MACC1: variants seen among roughly 807,000 people sequenced by gnomAD.
MACC1 encodes metastasis-associated in colon cancer protein 1.
MACC1 carries 79 observed loss-of-function variants against 70.7 expected under a neutral mutation model. The ratio of observed to expected loss-of-function variants is 1.12; its 90% CI spans 0.93 to 1.35. MACC1 has a LOEUF of 1.35. Among genes scored for constraint, MACC1 ranks in the 40% most tolerant of loss-of-function variants. The pLI, the probability that MACC1 is intolerant of heterozygous loss-of-function variation, is 0.00. For missense variants in MACC1, 1,106 were observed against 978.1 expected, an observed-to-expected ratio of 1.13 and a Z score of -1.74; for synonymous variants, 361 against 347.2, an observed-to-expected ratio of 1.04 and a Z score of -0.44.
chr7:20,145,113 T>C (rs1263658622), intron 6 of MACC1, among the ~76,000 whole-genome samples: 1 of 152,172 alleles, frequency 6.6e-6, no homozygotes, highest in Admixed American at 6.5e-5. Flanking sequence ...ATATTTACAC[T>C]AAGAACATTA....
At chr7:20,209,751 A>G (rs1782969018) in intron 1 of MACC1, among the ~76,000 whole-genome samples, 1 of 152,082 alleles carries the variant, frequency 6.6e-6, no homozygotes, top group Admixed American at 6.5e-5. Context: ...CAGGGGTGAA[A>G]TGATACGGTT....
rs374399289 is a variant in MACC1 at position 20,154,163 on chromosome 7, A to G, written c.2346+30T>C. ...AGTGTTACTTGGTCTGCAACTTTTCACTATTGAATTACACAAACAGAAGTC... is the reference window on the plus strand; with the variant it reads ...AGTGTTACTTGGTCTGCAACTTTTCGCTATTGAATTACACAAACAGAAGTC... On this transcript the variant is annotated intron_variant, in intron 6 of 6. Coordinates refer to ENST00000400331, the MANE Select transcript of MACC1 (RefSeq NM_182762.4). 85 of 1,610,722 alleles carry G rather than the reference A, an allele frequency of 5.3e-5. No homozygotes were observed. The African/African-American group carries it at 9.6e-4, about 18-fold the overall frequency.
At chr7:20,185,313 G>A (rs1023362823) in intron 1 of MACC1, among the ~76,000 whole-genome samples, 10 of 152,114 alleles carry the variant, frequency 6.6e-5, no homozygotes, top group Admixed American at 3.9e-4. Flanking sequence ...TCTATCTTCC[G>A]GTATTCAAAC....
chr7:20,150,296 T>C (rs1023503671), intron 6 of MACC1: 2 of 152,152 alleles, frequency 1.3e-5, no homozygotes, highest in East Asian at 1.9e-4. Flanking sequence ...GTTAAGTATA[T>C]GGATGAATTA....
rs746343472 is a variant in MACC1 at position 20,159,346 on chromosome 7, C to G, written c.1015G>C (p.Asp339His). Residue 339 changes from aspartate (D) to histidine (H), a missense_variant, in exon 5 of 7, where the codon GAC (aspartate) becomes CAC (histidine). Asp to His is a moderately conservative substitution (Grantham distance 81). Coordinates refer to ENST00000400331, the MANE Select transcript of MACC1 (RefSeq NM_182762.4). ...ACTAGATACATTACCTGACTCAAGTCGATTAGCTTGACTTGGATGGTGTCT... is the reference window on the plus strand; with the variant it reads ...ACTAGATACATTACCTGACTCAAGTGGATTAGCTTGACTTGGATGGTGTCT... ...YKDTIQVKLI[D>H]LSQVMYLVVA... 1.9e-6 allele frequency: 3 copies of G among 1,614,022 alleles called. No homozygotes were observed. The highest frequency in any genetic ancestry group is 2.5e-6 in the Non-Finnish European group (3 of 1,180,018).
At chr7:20,177,383 G>C (rs1299863909) in intron 1 of MACC1, among the ~76,000 whole-genome samples, 2 of 152,018 alleles carry the variant, frequency 1.3e-5, no homozygotes, top group Non-Finnish European at 2.9e-5. Context: ...CTGTTGATGT[G>C]ATAAAATCTC....
At position 20,164,398 on chromosome 7, in the gene MACC1, AT is replaced by A. The variant is rs1782182507; in HGVS notation, c.-152del. The A allele has an allele frequency of 6.6e-6, 1 of 152,050 alleles. No individual in the cohort carries two copies. The highest frequency in any genetic ancestry group is 2.4e-5 in the African/African-American group (1 of 41,386). The allele number at this position is 152,050 out of a possible 1,614,324, so 9.4% of individuals were successfully genotyped here. A position where few individuals can be genotyped will look rare whatever the true frequency, so the allele number is the denominator to read the frequency against. ...TTAAAGAAAGCAGAAGCCTTTTCTGATCTATAAAAATGAAAGAAAAAATTAA... is the reference window on the plus strand; with the variant it reads ...TTAAAGAAAGCAGAAGCCTTTTCTGACTATAAAAATGAAAGAAAAAATTAA... On this transcript the variant is annotated splice_region_variant and 5_prime_UTR_variant, in exon 3 of 7. Transcript: ENST00000400331.
At chr7:20,215,436 C>CA (rs971546850) in intron 1 of MACC1, among the ~76,000 whole-genome samples, 3 of 152,058 alleles carry the variant, frequency 2.0e-5, no homozygotes, top group African/African-American at 4.8e-5. Context: ...TTGACAACAA[C>CA]AAAAAAAGCC....
chr7:20,163,498 C>G (rs1782166621), intron 3 of MACC1, among the ~76,000 whole-genome samples: 1 of 152,168 alleles, frequency 6.6e-6, no homozygotes, highest in Non-Finnish European at 1.5e-5. Flanking sequence ...AAACTGAAAT[C>G]CCTAGGATAT....
intron 1 of MACC1, among the ~76,000 whole-genome samples, chr7:20,207,602 G>A (rs117071233): frequency 9.9e-5 from 15 of 152,088 alleles, no homozygotes; most frequent in Middle Eastern, 3.4e-3. Flanking sequence ...GCAACATAGC[G>A]CTATTCACCA....
rs928445436 is a variant in MACC1 at position 20,138,908 on chromosome 7, G to C, written c.*2038C>G. ...AGGATGGTCTCGATCTCCTGACCTA[G>C]TGATCTGCCCGCCTCGGCCTCCCAA... On this transcript the variant is annotated 3_prime_UTR_variant, in exon 7 of 7. Coordinates refer to ENST00000400331, the MANE Select transcript of MACC1 (RefSeq NM_182762.4). The C allele has an allele frequency of 6.6e-6, 1 of 152,358 alleles. No individual in the cohort carries two copies. The highest frequency in any genetic ancestry group is 2.4e-5 in the African/African-American group (1 of 41,568). 9.4% of individuals were successfully genotyped at this position (152,358 alleles called of 1,614,324 possible).
At chr7:20,149,090 G>C (rs747513725) in intron 6 of MACC1, among the ~76,000 whole-genome samples, 2 of 152,074 alleles carry the variant, frequency 1.3e-5, no homozygotes, top group Non-Finnish European at 2.9e-5. Flanking sequence ...TTTAACTTTT[G>C]CGAGAGATAA....
chr7:20,141,069 T>G lies in MACC1; in HGVS notation c.2436A>C (p.Ser812=). 4 of 1,613,696 alleles carry G rather than the reference T, an allele frequency of 2.5e-6. No homozygotes were observed. The highest frequency in any genetic ancestry group is 3.4e-6 in the Non-Finnish European group (4 of 1,179,670). The change falls in exon 7 of 7, where the codon TCA becomes TCC. Residue 812 remains serine (S), a synonymous_variant. Transcript: ENST00000400331. ...NYRDVLQDLQ[S]ALDRMKNPVT... Reference sequence around the variant, plus strand: ...CAGGGTTTTTCATTCTGTCCAAAGCTGACTGAAGGTCTTGTAACACATCTC... The same window carrying G: ...CAGGGTTTTTCATTCTGTCCAAAGCGGACTGAAGGTCTTGTAACACATCTC...
intron 1 of MACC1, among the ~76,000 whole-genome samples, chr7:20,191,438 A>G (rs1782670755): frequency 6.6e-6 from 1 of 151,698 alleles, no homozygotes; most frequent in African/African-American, 2.4e-5. Context: ...CAGTCTGGAA[A>G]TGCAACCTGG....
intron 6 of MACC1, among the ~76,000 whole-genome samples, chr7:20,152,919 C>T (rs550584814): frequency 3.3e-5 from 5 of 152,272 alleles, no homozygotes; most frequent in African/African-American, 1.2e-4. Context: ...CTGAAATGTC[C>T]GAATCAGAAG....
At chr7:20,193,992 C>A in intron 1 of MACC1, among the ~76,000 whole-genome samples, 1 of 152,102 alleles carries the variant, frequency 6.6e-6, no homozygotes, top group Non-Finnish European at 1.5e-5. Flanking sequence ...ACAGCAAGAT[C>A]TGGAATTTAG....
intron 1 of MACC1, among the ~76,000 whole-genome samples, chr7:20,187,083 C>A (rs1299233675): frequency 6.6e-6 from 1 of 152,108 alleles, no homozygotes; most frequent in Non-Finnish European, 1.5e-5. Context: ...TGGGATGTAA[C>A]CCAAGCATAA....
At position 20,139,760 on chromosome 7, in the gene MACC1, C is replaced by A. The variant is rs1000590786; in HGVS notation, c.*1186G>T. ...TGTCAGCCATTAGCATTTATACTGA[C>A]CCAGGGTCCTATACAATTTTTGTCC... is the stretch of plus-strand genomic sequence containing the variant. On this transcript the variant is annotated 3_prime_UTR_variant, in exon 7 of 7. Transcript: ENST00000400331. The A allele has an allele frequency of 1.6e-4, 24 of 151,926 alleles. No individual in the cohort carries two copies. The highest frequency in any genetic ancestry group is 7.4e-5 in the Non-Finnish European group (5 of 67,994). 9.4% of individuals were successfully genotyped at this position (151,926 alleles called of 1,614,324 possible). A position where few individuals can be genotyped will look rare whatever the true frequency, so the allele number is the denominator to read the frequency against.
intron 1 of MACC1, among the ~76,000 whole-genome samples, chr7:20,186,297 A>G (rs1178475612): frequency 6.6e-6 from 1 of 152,182 alleles, no homozygotes; most frequent in Admixed American, 6.5e-5. Context: ...TGAGGTATTT[A>G]TGACCAACAA....
Sources: gnomAD v4.1 joint callset for allele counts (sites outside exome capture counted in the v4.1 genomes callset) on GRCh38, gnomAD v4.1.1 for gene constraint, MANE v1.5 for transcripts, NCBI Gene and HGNC (gene_info 2026-07-23, HGNC 2026-07-21) for gene names.